Variants in MAP3K12 observed in about 807,000 individuals in gnomAD.
The protein encoded by MAP3K12 is MAPK-upstream kinase.
In MAP3K12, 14 loss-of-function variants were observed where a neutral mutation model predicts 87.5. The observed-to-expected ratio is 0.16, with a 90% CI of 0.11 to 0.25. MAP3K12 has a LOEUF of 0.25. MAP3K12 is among the 10% of genes least tolerant of loss of function. The pLI, the probability that MAP3K12 is intolerant of heterozygous loss-of-function variation, is 1.00. For missense variants in MAP3K12, 802 were observed against 1,140.4 expected (o/e 0.70, Z 4.27); for synonymous variants, 469 against 452.5 (o/e 1.04, Z -0.46).
At chr12:53,484,797 T>G (rs950924803) in intron 6 of MAP3K12, 1 of 535,068 alleles carries the variant, frequency 1.9e-6, no homozygotes, top group Non-Finnish European at 3.3e-6. Context: ...TCCTTGTACT[T>G]GTATGCACTC....
rs900880955 is a variant in MAP3K12, at chr12:53,480,505, A to T, written c.*677T>A. 2.0e-5 allele frequency: 3 copies of T among 152,522 alleles called. No homozygotes were observed. Among genetic ancestry groups the T allele is most frequent in the African/African-American group, 7.2e-5 (3 of 41,404 alleles). 9.4% of individuals were successfully genotyped at this position (152,522 alleles called of 1,614,324 possible). ...ACCCTCAACAGCTGGGCCTGCATGG[A>T]GTGTTATATTTCAAGGTTTTTCACA... On this transcript the variant is annotated 3_prime_UTR_variant, in exon 14 of 14. Transcript: ENST00000547488.
At chr12:53,487,678 T>A (rs962465957) in intron 1 of MAP3K12, 3 of 393,702 alleles carry the variant, frequency 7.6e-6, no homozygotes, top group African/African-American at 4.0e-5. Context: ...CGTACCTGAG[T>A]ATCATTCTCA....
chr12:53,482,636 C>T lies in MAP3K12; in HGVS notation c.2167G>A (p.Gly723Arg), dbSNP rs1440319351. 2.5e-6 allele frequency: 4 copies of T among 1,613,826 alleles called. No individual in the cohort carries two copies. Among genetic ancestry groups the T allele is most frequent in the African/African-American group, 1.3e-5 (1 of 74,944 alleles). ...TGREGTSGRG[G>R]SRAGSQHLTP... ...AAGTGCTGGGACCCAGCCCGGCTTC[C>T]TCCCCGGCCTGAGGTCCCTTCCCTT... is the stretch of plus-strand genomic sequence containing the variant. Residue 723 changes from glycine to arginine, a missense_variant, in exon 11 of 14, where the codon GGA becomes AGA. Physicochemically the swap from Gly to Arg is moderately radical, Grantham distance 125 (BLOSUM62 -2). Transcript: ENST00000547488.
chr12:53,501,272 C>T (rs1036730656), upstream of MAP3K12: 6 of 880,176 alleles, frequency 6.8e-6, no homozygotes, highest in African/African-American at 8.4e-5. Flanking sequence ...GGGCGGGGGA[C>T]TCCATATCCC....
rs758333503 is a variant in MAP3K12 at position 53,487,100 on chromosome 12, G to A, written c.292C>T (p.Pro98Ser). The change falls in exon 2 of 14, where the codon CCT becomes TCT. Residue 98 changes from proline to serine, a missense_variant. This residue lies in a region of MAP3K12 where 135 missense variants were observed against 151.6 expected (regional missense o/e 0.89). Transcript: ENST00000547488. ...AGGPGGAAGS[P>S]ESRASRVRAD... ...CGAACTCTGGATGCCCGACTCTCAG[G>A]TGACCCAGCTGCTCCCCCTGGGCCC... The A allele has an allele frequency of 7.4e-6, 12 of 1,613,824 alleles. No individual in the cohort carries two copies. In the Middle Eastern group the frequency reaches 4.9e-4, roughly 66 times the overall value.
At position 53,487,060 on chromosome 12, in the gene MAP3K12, C is replaced by T. The variant is rs1943245968; in HGVS notation, c.332G>A (p.Arg111Gln). ...RASRVRADEV[R>Q]LQCQSGSGFL... ...GCCACTGCCACTCTGGCACTGCAGTCGCACCTCGTCAGCTCGAACTCTGGA... is the reference window on the plus strand; with the variant it reads ...GCCACTGCCACTCTGGCACTGCAGTTGCACCTCGTCAGCTCGAACTCTGGA... The change falls in exon 2 of 14, where the codon CGA becomes CAA. Residue 111 changes from arginine to glutamine, a missense_variant. Physicochemically the swap from Arg to Gln is conservative, Grantham distance 43 (BLOSUM62 1). Around this residue, in one of 5 missense-constraint regions of MAP3K12, gnomAD observed 135 missense variants for 151.6 expected, o/e 0.89. Coordinates refer to ENST00000547488, the MANE Select transcript of MAP3K12 (RefSeq NM_001193511.2). The T allele has an allele frequency of 9.3e-6, 15 of 1,614,072 alleles. No individual in the cohort carries two copies. The highest frequency in any genetic ancestry group is 1.6e-4 in the Middle Eastern group (1 of 6,062).
chr12:53,491,599 A>G (rs1943408015), intron 1 of MAP3K12, among the ~76,000 whole-genome samples: 1 of 151,324 alleles, frequency 6.6e-6, no homozygotes, highest in Admixed American at 6.6e-5. Flanking sequence ...ACGCCCGGCT[A>G]ATTTTTTCTG....
At chr12:53,495,409 G>A (rs1592723748) in intron 1 of MAP3K12, among the ~76,000 whole-genome samples, 1 of 140,820 alleles carries the variant, frequency 7.1e-6, no homozygotes, top group South Asian at 2.3e-4. Flanking sequence ...CAGCAATGGA[G>A]ACCATCCTGG....
Position 53,491,301 on chromosome 12 carries a change from A to AAAAAAAAAAG in MAP3K12, c.-37-3874_-37-3873insCTTTTTTTTT, listed in dbSNP as rs796169121. Among the ~76,000 whole-genome samples, 8 of 101,598 alleles carry AAAAAAAAAAG rather than the reference A, an allele frequency of 7.9e-5. 1 individual carries two copies. The highest frequency in any genetic ancestry group is 3.0e-4 in the African/African-American group (8 of 26,628). 66.7% of individuals were successfully genotyped at this position (101,598 alleles called of 152,430 possible). On this transcript the variant is annotated intron_variant, in intron 1 of 13. Transcript: ENST00000547488. ...AGACTCTGTCTCAAAAAAAAAAAAA[A>AAAAAAAAAAG]AAAAGAAAAGAAAAGAAAAACAGGC... is the stretch of plus-strand genomic sequence containing the variant.
chr12:53,496,977 G>C (rs529447085), intron 1 of MAP3K12, among the ~76,000 whole-genome samples: 2 of 152,292 alleles, frequency 1.3e-5, no homozygotes, highest in South Asian at 4.1e-4. Flanking sequence ...GCTAAACGGG[G>C]ACAGTGGTAC....
intron 6 of MAP3K12, 138 bp downstream of exon 6, chr12:53,484,918 G>A (rs945830591): frequency 8.9e-7 from 1 of 1,122,500 alleles, no homozygotes; most frequent in Non-Finnish European, 1.3e-6. Context: ...AGCTCAGAAG[G>A]TAGCATGAGC....
At chr12:53,490,919 AAAC>A (rs959599071) in intron 1 of MAP3K12, among the ~76,000 whole-genome samples, 2 of 151,958 alleles carry the variant, frequency 1.3e-5, no homozygotes, top group Non-Finnish European at 2.9e-5. Flanking sequence ...ACAAAAGAAA[AAAC>A]AACCACCCCC....
At chr12:53,481,777 A>AGAT (rs1205882171) in intron 13 of MAP3K12, 164 bp downstream of exon 13, 8 of 788,742 alleles carry the variant, frequency 1.0e-5, no homozygotes, top group African/African-American at 3.5e-5. Flanking sequence ...GCATCGTAAT[A>AGAT]GATGCTCTGT....
rs999386091 is a variant in MAP3K12 at position 53,480,978 on chromosome 12, G to C, written c.*204C>G. 1.1e-5 allele frequency: 2 copies of C among 186,680 alleles called. No individual in the cohort carries two copies. The highest frequency in any genetic ancestry group is 2.1e-5 in the Non-Finnish European group (2 of 93,532). 11.6% of individuals were successfully genotyped at this position (186,680 alleles called of 1,614,324 possible). Reference sequence around the variant, plus strand: ...GCTTGCCCTTAGCCACAGCTCTACGGCTGTGCCTCATTCATTTCCACAGCT... The same window carrying C: ...GCTTGCCCTTAGCCACAGCTCTACGCCTGTGCCTCATTCATTTCCACAGCT... On this transcript the variant is annotated 3_prime_UTR_variant, in exon 14 of 14. Transcript: ENST00000547488.
intron 13 of MAP3K12, 108 bp downstream of exon 13, chr12:53,481,833 G>T: frequency 2.2e-6 from 3 of 1,353,298 alleles, no homozygotes; most frequent in East Asian, 2.3e-5. Context: ...TGCTCTTTAT[G>T]GTACTTTCTG....
chr12:53,485,230 C>T lies in MAP3K12; in HGVS notation c.981-16G>A. ...GCCAAAGGACCTAGGGATGAGGGGA[C>T]ATCACTTGTGCTCAAGCCCTAGAAG... On this transcript the variant is annotated splice_polypyrimidine_tract_variant and intron_variant, in intron 5 of 13. Coordinates refer to ENST00000547488, the MANE Select transcript of MAP3K12 (RefSeq NM_001193511.2). The T allele has an allele frequency of 1.2e-6, 2 of 1,605,062 alleles. No individual in the cohort carries two copies. The highest frequency in any genetic ancestry group is 1.1e-5 in the South Asian group (1 of 89,660).
At chr12:53,501,501 T>C (rs754654408), upstream of MAP3K12, 5 of 1,553,294 alleles carry the variant, frequency 3.2e-6, no homozygotes, top group Non-Finnish European at 4.4e-6. Context: ...GCGAAAAGCG[T>C]GGGGCCGTGC....
chr12:53,486,131 C>T lies in MAP3K12; in HGVS notation c.746G>A (p.Trp249Ter). The change falls in exon 4 of 14, where the codon TGG (tryptophan) becomes TAG (stop). Residue 249 changes from tryptophan (W) to a stop codon, truncating the protein, a stop_gained. Transcript: ENST00000547488. LOFTEE classifies it high-confidence loss of function. The surrounding 1 kb of genome is among the most constrained non-coding windows in gnomAD (Gnocchi z 4.9). ...CATGCCACCAGCGATGCCCATGGACCAGTCAACCAGTAAGGAGGGGGTGAC... is the reference window on the plus strand; with the variant it reads ...CATGCCACCAGCGATGCCCATGGACTAGTCAACCAGTAAGGAGGGGGTGAC... ...RPVTPSLLVD[W>*]SMGIAGGMNY... is the part of the protein sequence containing the mutation. 1 of 1,614,146 alleles carries T rather than the reference C, an allele frequency of 6.2e-7. No homozygotes were observed. Among genetic ancestry groups the T allele is most frequent in the Non-Finnish European group, 8.5e-7 (1 of 1,180,016 alleles).
chr12:53,482,852 G>C lies in MAP3K12; in HGVS notation c.1951C>G (p.Leu651Val), dbSNP rs1943108346. The change falls in exon 11 of 14, where the codon CTA (leucine) becomes GTA (valine). Residue 651 changes from leucine (L) to valine (V), a missense_variant. Transcript: ENST00000547488. ...SSSPDLLSAA[L>V]GSRGRGATGG... is the part of the protein sequence containing the mutation. ...GTGGCCCCCCGGCCCCGGGACCCTA[G>C]TGCTGCTGACAGCAGGTCTGGGGAC... The C allele has an allele frequency of 6.2e-7, 1 of 1,612,782 alleles. No homozygotes were observed.
Sources: gnomAD v4.1 joint callset for allele counts (sites outside exome capture counted in the v4.1 genomes callset) on GRCh38, gnomAD v4.1.1 for gene constraint, gnomAD v4.1.1 regional missense constraint, Gnocchi (gnomAD v3.1) non-coding constraint, MANE v1.5 for transcripts, NCBI Gene and HGNC (gene_info 2026-07-23, HGNC 2026-07-21) for gene names.